The following LINGO2 variants were observed in gnomAD, a reference collection of about 807,000 sequenced individuals.
LINGO2 encodes the protein leucine-rich repeat and immunoglobulin-like domain-containing nogo receptor-interacting protein 2.
LINGO2 carries 14 observed loss-of-function variants against 30.6 expected under a neutral mutation model. The ratio of observed to expected loss-of-function variants is 0.46; its 90% CI spans 0.30 to 0.72. LINGO2 has a LOEUF of 0.72. LINGO2 is among the 30% of genes least tolerant of loss of function. The pLI is 0.07. For missense variants in LINGO2, 729 were observed against 751.7 expected, an observed-to-expected ratio of 0.97 and a Z score of 0.35; for synonymous variants, 317 against 288.5, an observed-to-expected ratio of 1.10 and a Z score of -1.00.
chr9:29,090,945 A>G, the LINGO2 span, among the ~76,000 whole-genome samples: 5 of 152,074 alleles, frequency 3.3e-5, no homozygotes, highest in Admixed American at 3.3e-4. Flanking sequence ...TCCACAAGAA[A>G]CATCAGCTGA....
chr9:28,372,806 T>G (rs946704094), intron 3 of LINGO2, 30 bp downstream of exon 5: 7 of 152,590 alleles, frequency 4.6e-5, no homozygotes, highest in African/African-American at 1.7e-4. Flanking sequence ...AAATTGTCAA[T>G]TTATAACAAA....
chr9:29,004,591 G>C, the LINGO2 span, among the ~76,000 whole-genome samples: 1 of 151,872 alleles, frequency 6.6e-6, no homozygotes, highest in Admixed American at 6.6e-5. Context: ...CTGTCAGATA[G>C]GGACAACTAT....
the LINGO2 span, among the ~76,000 whole-genome samples, chr9:28,983,183 A>G: frequency 6.6e-5 from 10 of 152,044 alleles, no homozygotes; most frequent in East Asian, 1.9e-3. Flanking sequence ...GAATAATTTT[A>G]CCATTTTTAA....
chr9:27,950,394 A>G (rs377400502), exon 6 of LINGO2: 11 of 1,614,160 alleles, frequency 6.8e-6, no homozygotes. Context: ...CACATTGGCA[A>G]TGATGTTGTC....
intron 1 of LINGO2, among the ~76,000 whole-genome samples, chr9:28,641,327 C>T (rs780453808): frequency 5.4e-4 from 82 of 152,200 alleles, no homozygotes; most frequent in African/African-American, 1.9e-3. Flanking sequence ...TGAGCCACCG[C>T]GCCCGGCCTC....
chr9:28,496,682 T>G (rs1819643348), intron 1 of LINGO2, among the ~76,000 whole-genome samples: 1 of 152,168 alleles, frequency 6.6e-6, no homozygotes, highest in Non-Finnish European at 1.5e-5. Context: ...TTGTTATGTG[T>G]GAATTTGATC....
At chr9:28,257,963 C>T (rs376248011) in intron 4 of LINGO2, among the ~76,000 whole-genome samples, 15 of 151,926 alleles carry the variant, frequency 9.9e-5, no homozygotes, top group Non-Finnish European at 1.3e-4. Context: ...TGTTGATTAA[C>T]GCATAAAAAG....
the LINGO2 span, among the ~76,000 whole-genome samples, chr9:28,806,440 A>G: frequency 3.9e-5 from 6 of 152,150 alleles, no homozygotes; most frequent in Admixed American, 3.3e-4. Context: ...TAGAAAAACC[A>G]AGTTCTCATA....
At chr9:29,205,001 C>A in the LINGO2 span, among the ~76,000 whole-genome samples, 5 of 152,112 alleles carry the variant, frequency 3.3e-5, no homozygotes, top group African/African-American at 4.8e-5. Flanking sequence ...CAGTTTTTAT[C>A]AAGAATAATT....
chr9:28,762,209 T>A, the LINGO2 span, among the ~76,000 whole-genome samples: 3 of 152,080 alleles, frequency 2.0e-5, no homozygotes, highest in African/African-American at 7.3e-5. Context: ...TTTATTTCCA[T>A]TTTAATTGTA....
chr9:29,003,928 G>T, the LINGO2 span, among the ~76,000 whole-genome samples: 1 of 151,980 alleles, frequency 6.6e-6, no homozygotes. Flanking sequence ...CTCCCTGATA[G>T]ATTCAAATAT....
At chr9:28,056,018 A>T (rs1824923552) in intron 4 of LINGO2, among the ~76,000 whole-genome samples, 1 of 152,198 alleles carries the variant, frequency 6.6e-6, no homozygotes, top group African/African-American at 2.4e-5. Context: ...AGAACATAGA[A>T]ATGAAAACTT....
rs10968485 is a variant in LINGO2, at chr9:28,311,533, C to A, written c.-245-16167G>T. Among the ~76,000 whole-genome samples the A allele has an allele frequency of 0.014, 2,138 of 152,156 alleles. 89 individuals carry two copies. In the East Asian group the frequency reaches 0.14, roughly 10 times the overall value. On this transcript the variant is annotated intron_variant, in intron 3 of 5. Transcript: ENST00000379992. Reference sequence around the variant, plus strand: ...TTTTAGAGGCCTACCCTCAGGGACGCATTCTCTTTCTCAGGGATGTTCCTT... The same window carrying A: ...TTTTAGAGGCCTACCCTCAGGGACGAATTCTCTTTCTCAGGGATGTTCCTT...
intron 4 of LINGO2, among the ~76,000 whole-genome samples, chr9:28,233,456 T>TA (rs1249774136): frequency 6.6e-6 from 1 of 152,120 alleles, no homozygotes; most frequent in Non-Finnish European, 1.5e-5. Context: ...ACACCTAATA[T>TA]AAAATGTTAT....
At chr9:29,147,373 C>A in the LINGO2 span, among the ~76,000 whole-genome samples, 3 of 151,830 alleles carry the variant, frequency 2.0e-5, no homozygotes, top group Non-Finnish European at 4.4e-5. Flanking sequence ...TTGAAACTGC[C>A]CCGCTTTAAT....
At chr9:28,975,489 T>G in the LINGO2 span, among the ~76,000 whole-genome samples, 1 of 152,190 alleles carries the variant, frequency 6.6e-6, no homozygotes, top group African/African-American at 2.4e-5. Flanking sequence ...TGCCAGTGCC[T>G]AGTGCCACTT....
the LINGO2 span, among the ~76,000 whole-genome samples, chr9:28,802,354 T>G: frequency 0.15 from 22,324 of 151,978 alleles, 1,838 homozygotes; most frequent in East Asian, 0.33. Flanking sequence ...TTTGAAAGCA[T>G]GAATGGATAG....
chr9:28,301,189 C>A (rs1467037165), intron 3 of LINGO2, among the ~76,000 whole-genome samples: 10 of 152,014 alleles, frequency 6.6e-5, no homozygotes. Context: ...AAGGATATTA[C>A]AAACAACATT....
the LINGO2 span, among the ~76,000 whole-genome samples, chr9:28,805,544 A>C: frequency 6.6e-6 from 1 of 152,218 alleles, no homozygotes; most frequent in African/African-American, 2.4e-5. Flanking sequence ...GCCAATTTGC[A>C]ACATCCGTTT....
Sources: allele counts gnomAD v4.1 joint callset (sites outside exome capture counted in the v4.1 genomes callset), GRCh38; gene constraint gnomAD v4.1.1; transcripts MANE v1.5; gene names NCBI Gene and HGNC (gene_info 2026-07-23, HGNC 2026-07-21).